Variants in MBNL3 observed in about 807,000 individuals in gnomAD.
MBNL3 encodes the protein muscleblind-like protein 3.
MBNL3 carries 6 observed loss-of-function variants against 24.5 expected under a neutral mutation model. That is an observed-to-expected ratio of 0.25 (90% confidence interval 0.13 to 0.48). The LOEUF (loss-of-function observed/expected upper bound fraction) is 0.48. Ranked by LOEUF, MBNL3 falls within the 20% of genes least tolerant of loss-of-function variation. The probability of loss-of-function intolerance (pLI) is 0.99; values close to 1 mark genes in which losing one functional copy is unlikely to be tolerated. For missense variants in MBNL3, 230 were observed against 293.5 expected, an observed-to-expected ratio of 0.78 and a Z score of 1.58; for synonymous variants, 100 against 101.7, an observed-to-expected ratio of 0.98 and a Z score of 0.10.
intron 1 of MBNL3, among the ~76,000 whole-genome samples, chrX:132,467,524 A>C (rs1178268216): frequency 8.9e-6 from 1 of 112,269 alleles, no homozygotes; most frequent in Non-Finnish European, 1.9e-5. Flanking sequence ...ATTGGTGCTG[A>C]GGAAACTTTC....
At chrX:132,389,737 C>G (rs1433082075) in intron 5 of MBNL3, among the ~76,000 whole-genome samples, 1 of 111,199 alleles carries the variant, frequency 9.0e-6, no homozygotes, top group African/African-American at 3.3e-5. Flanking sequence ...AGCAGCACAT[C>G]AAAACAACGG....
intron 2 of MBNL3, among the ~76,000 whole-genome samples, chrX:132,428,578 GA>G (rs1000432603): frequency 1.8e-5 from 2 of 108,704 alleles, no homozygotes; most frequent in African/African-American, 6.7e-5. Context: ...AAACACTGAA[GA>G]AAAAAAAGAG....
intron 1 of MBNL3, among the ~76,000 whole-genome samples, chrX:132,453,866 C>T (rs893161359): frequency 1.7e-4 from 19 of 110,667 alleles, no homozygotes; most frequent in Admixed American, 4.8e-4. Flanking sequence ...CTGAGGCGGG[C>T]GGATCACTTG....
chrX:132,396,477 C>CAT lies in MBNL3; in HGVS notation c.343-4145_343-4144dup, dbSNP rs1382480910. On this transcript the variant is annotated intron_variant, in intron 3 of 8. Coordinates refer to ENST00000370853, the MANE Select transcript of MBNL3 (RefSeq NM_001386889.1). The stretch of plus-strand genomic sequence containing the variant: ...CTATATATATATTCCTATATATATT[C>CAT]ATATATATTCCTATATATATTCCTA... Among the ~76,000 whole-genome samples the CAT allele has an allele frequency of 2.9e-3, 183 of 63,226 alleles. 2 individuals are homozygous for CAT. Among genetic ancestry groups the CAT allele is most frequent in the Non-Finnish European group, 4.1e-3 (148 of 36,164 alleles). The allele number at this position is 63,226 out of a possible 115,157, so 54.9% of individuals were successfully genotyped here.
chrX:132,470,210 T>C (rs955179338), intron 1 of MBNL3, among the ~76,000 whole-genome samples: 4 of 111,324 alleles, frequency 3.6e-5, no homozygotes, highest in African/African-American at 1.3e-4. Context: ...TCTAAGGCAA[T>C]AAAGGTAATG....
intron 1 of MBNL3, among the ~76,000 whole-genome samples, chrX:132,446,515 G>A (rs147184381): frequency 0.014 from 1,598 of 112,209 alleles, 21 homozygotes; most frequent in African/African-American, 0.049. Flanking sequence ...GTGAAGATGA[G>A]CTTTTTTTCA....
chrX:132,424,446 A>C (rs1352367310), intron 2 of MBNL3, among the ~76,000 whole-genome samples: 1 of 111,436 alleles, frequency 9.0e-6, no homozygotes, highest in Non-Finnish European at 1.9e-5. Context: ...GAAAATGAGG[A>C]AGAGCAAGTT....
chrX:132,443,984 T>TCCCCCC (rs762809506), intron 1 of MBNL3, among the ~76,000 whole-genome samples: 112 of 6,144 alleles, frequency 0.018, 36 homozygotes, highest in African/African-American at 0.026. Flanking sequence ...GACTCCAGAG[T>TCCCCCC]CCGCCCCCCC....
At chrX:132,474,048 C>A (rs1380074144) in intron 1 of MBNL3, among the ~76,000 whole-genome samples, 2 of 110,850 alleles carry the variant, frequency 1.8e-5, no homozygotes, top group Non-Finnish European at 1.9e-5. Context: ...GAAATATATT[C>A]TTCTAGATGG....
intron 2 of MBNL3, among the ~76,000 whole-genome samples, chrX:132,423,014 T>C: frequency 8.9e-6 from 1 of 112,035 alleles, no homozygotes; most frequent in Non-Finnish European, 1.9e-5. Flanking sequence ...GCTATGCATT[T>C]TATTATGGTA....
chrX:132,450,574 T>C (rs1023666471), intron 1 of MBNL3, among the ~76,000 whole-genome samples: 2 of 112,155 alleles, frequency 1.8e-5, no homozygotes, highest in African/African-American at 6.5e-5. Context: ...CTAACCTTTT[T>C]TCAAGGTTCT....
At chrX:132,482,226 G>C (rs1299559855) in intron 1 of MBNL3, among the ~76,000 whole-genome samples, 1 of 112,368 alleles carries the variant, frequency 8.9e-6, no homozygotes, top group Non-Finnish European at 1.9e-5. Context: ...AGAGGATTTT[G>C]AAAGTTCCCA....
At chrX:132,415,207 G>T (rs914216632) in intron 2 of MBNL3, among the ~76,000 whole-genome samples, 1 of 112,069 alleles carries the variant, frequency 8.9e-6, no homozygotes, top group Non-Finnish European at 1.9e-5. Context: ...AACCTGGGAA[G>T]TCAGAAGGTA....
At chrX:132,396,335 C>CATATATATTCATATATATATATTCCT in intron 3 of MBNL3, among the ~76,000 whole-genome samples, 1 of 64,934 alleles carries the variant, frequency 1.5e-5, no homozygotes, top group East Asian at 3.5e-4. Context: ...CATATATATT[C>CATATATATTCATATATATATATTCCT]ATATATATTC....
At chrX:132,406,454 A>T (rs1941841131) in intron 2 of MBNL3, 62 bp from the exon 3 acceptor site, 1 of 1,030,972 alleles carries the variant, frequency 9.7e-7, no homozygotes, top group Non-Finnish European at 1.3e-6. Flanking sequence ...TAAATTTTGG[A>T]CTCCATTATC....
At chrX:132,409,678 C>T (rs923996224) in intron 2 of MBNL3, among the ~76,000 whole-genome samples, 1 of 111,460 alleles carries the variant, frequency 9.0e-6, no homozygotes, top group African/African-American at 3.3e-5. Flanking sequence ...GTACCTACAA[C>T]AGTCGCCATC....
intron 3 of MBNL3, among the ~76,000 whole-genome samples, chrX:132,402,369 T>C (rs141168335): frequency 0.013 from 1,507 of 112,080 alleles, 20 homozygotes; most frequent in African/African-American, 0.046. Context: ...ACTTTATAAA[T>C]ACATACACCA....
chrX:132,431,740 C>T (rs1260083436), intron 2 of MBNL3: 1 of 111,884 alleles, frequency 8.9e-6, no homozygotes, highest in Non-Finnish European at 1.9e-5. Flanking sequence ...ACATAATAAC[C>T]CATGCATACA....
chrX:132,406,797 T>C (rs1476453780), intron 2 of MBNL3, among the ~76,000 whole-genome samples: 1 of 112,308 alleles, frequency 8.9e-6, no homozygotes, highest in Non-Finnish European at 1.9e-5. Context: ...CAGCAAAGGA[T>C]GTCACTGGAC....
Sources: allele counts gnomAD v4.1 joint callset (sites outside exome capture counted in the v4.1 genomes callset), GRCh38; gene constraint gnomAD v4.1.1; transcripts MANE v1.5; gene names NCBI Gene and HGNC (gene_info 2026-07-23, HGNC 2026-07-21).